The following LRIG3 variants were observed in gnomAD, a reference collection of about 807,000 sequenced individuals.
The protein encoded by LRIG3 is leucine rich repeats and immunoglobulin like domains 3.
A neutral mutation model predicts 114.5 loss-of-function variants in LRIG3; 76 were observed. The ratio of observed to expected loss-of-function variants is 0.66; its 90% CI spans 0.55 to 0.80. The LOEUF is 0.80. LRIG3 is among the 30% of genes least tolerant of loss of function. The pLI is 0.00. For missense variants in LRIG3, 1,239 were observed against 1,382.8 expected (o/e 0.90, Z 1.65); for synonymous variants, 512 against 519.8 (o/e 0.98, Z 0.20).
chr12:58,892,264 A>G (rs11172800), intron 3 of LRIG3, among the ~76,000 whole-genome samples: 5,776 of 152,286 alleles, frequency 0.038, 372 homozygotes, highest in African/African-American at 0.13. Flanking sequence ...ATACCTACAA[A>G]TCATAGAAAG....
intron 10 of LRIG3, among the ~76,000 whole-genome samples, chr12:58,883,934 A>G (rs1047679399): frequency 6.6e-6 from 1 of 152,244 alleles, no homozygotes; most frequent in Non-Finnish European, 1.5e-5. Flanking sequence ...TACAAATAAA[A>G]TATACAAATA....
intron 10 of LRIG3, among the ~76,000 whole-genome samples, chr12:58,884,507 C>T (rs780316971): frequency 2.6e-5 from 4 of 152,224 alleles, no homozygotes; most frequent in Non-Finnish European, 5.9e-5. Flanking sequence ...TCCACTAATT[C>T]CACGTTCCCA....
intron 1 of LRIG3, chr12:58,919,421 A>C: frequency 6.4e-7 from 1 of 1,551,642 alleles, no homozygotes; most frequent in Non-Finnish European, 8.7e-7. Context: ...AGGAGTGGGA[A>C]CTTACGGTCT....
chr12:58,919,114 T>C (rs1045364480), intron 1 of LRIG3, among the ~76,000 whole-genome samples: 1 of 152,248 alleles, frequency 6.6e-6, no homozygotes, highest in African/African-American at 2.4e-5. Context: ...TTTGATTGTT[T>C]ACTTTTTACA....
intron 10 of LRIG3, 94 bp from the exon 11 acceptor site, chr12:58,883,685 C>T (rs990996680): frequency 1.4e-6 from 1 of 730,888 alleles, no homozygotes; most frequent in African/African-American, 1.7e-5. Context: ...CCCCATTTGC[C>T]AAACAAATAC....
intron 4 of LRIG3, 75 bp downstream of exon 4, chr12:58,890,590 T>G: frequency 7.2e-7 from 1 of 1,394,170 alleles, no homozygotes; most frequent in Non-Finnish European, 9.6e-7. Flanking sequence ...GTAGACAAAG[T>G]TTGTTATATC....
intron 6 of LRIG3, 136 bp from the exon 7 acceptor site, chr12:58,888,608 C>CA (rs1317946413): frequency 1.3e-5 from 16 of 1,269,284 alleles, no homozygotes; most frequent in South Asian, 1.1e-4. Context: ...AAGACGTCAG[C>CA]AAAAAAATAC....
At chr12:58,890,270 G>A (rs990987581) in intron 4 of LRIG3, 131 bp from the exon 5 acceptor site, 8 of 965,484 alleles carry the variant, frequency 8.3e-6, no homozygotes, top group Non-Finnish European at 1.2e-5. Flanking sequence ...TACTTTTTAG[G>A]TCCTCAAGGA....
At position 58,914,028 on chromosome 12, in the gene LRIG3, T is replaced by C; in HGVS notation, c.337A>G (p.Ile113Val). ...VKLNNNELET[I>V]PNLGPVSANI... Reference sequence around the variant, plus strand: ...GCCGAGACTGGTCCCAGATTTGGAATGGTCTCCAATTCATTGTTGTTCAGT... The same window carrying C: ...GCCGAGACTGGTCCCAGATTTGGAACGGTCTCCAATTCATTGTTGTTCAGT... Residue 113 changes from isoleucine to valine, a missense_variant, in exon 3 of 19, where the codon ATT (isoleucine) becomes GTT (valine). Coordinates refer to ENST00000320743, the MANE Select transcript of LRIG3 (RefSeq NM_153377.5). 6.2e-7 allele frequency: 1 copy of C among 1,611,720 alleles called. No individual in the cohort carries two copies. Among genetic ancestry groups the C allele is most frequent in the Non-Finnish European group, 8.5e-7 (1 of 1,179,588 alleles).
chr12:58,891,276 G>A (rs117780749), intron 3 of LRIG3, among the ~76,000 whole-genome samples: 1 of 151,862 alleles, frequency 6.6e-6, no homozygotes, highest in East Asian at 1.9e-4. Context: ...ACCTCATCTC[G>A]CTAATTTTTT....
rs754954793 is a variant in LRIG3, at chr12:58,874,452, A to C, written c.2817T>G (p.Asp939Glu). 6.2e-7 allele frequency: 1 copy of C among 1,614,214 alleles called. No homozygotes were observed. Residue 939 changes from aspartate to glutamate, a missense_variant, in exon 17 of 19, where the codon GAT becomes GAG. Asp to Glu is a conservative substitution (Grantham distance 45, BLOSUM62 2). Coordinates refer to ENST00000320743, the MANE Select transcript of LRIG3 (RefSeq NM_153377.5). ...TACCTGTATGATATGTTTCAAAAGG[A>C]TCTGAGCCATACACATTTCCCTTCA... ...MYLKGNVYGS[D>E]PFETYHTGCS...
At chr12:58,917,750 A>G (rs1872533332) in intron 1 of LRIG3, among the ~76,000 whole-genome samples, 1 of 152,244 alleles carries the variant, frequency 6.6e-6, no homozygotes, top group South Asian at 2.1e-4. Flanking sequence ...AAGCCAGTCC[A>G]AAGACAAACT....
At position 58,877,811 on chromosome 12, in the gene LRIG3, T is replaced by C; in HGVS notation, c.2125A>G (p.Thr709Ala). ...TGTAGGACGGCTGTTTCTCCCTTGG[T>C]TACAGTTCGGTCCAACAGTGGCCGC... Reference protein sequence around the residue: ...FLRPLLDRTVTKGETAVLQCI... With the variant: ...FLRPLLDRTVAKGETAVLQCI... The change falls in exon 15 of 19, where the codon ACC becomes GCC. Residue 709 changes from threonine to alanine, a missense_variant. Thr to Ala is a moderately conservative substitution (Grantham distance 58, BLOSUM62 0). Coordinates refer to ENST00000320743, the MANE Select transcript of LRIG3 (RefSeq NM_153377.5). 2 of 1,613,752 alleles carry C rather than the reference T, an allele frequency of 1.2e-6. No individual in the cohort carries two copies. Among genetic ancestry groups the C allele is most frequent in the Non-Finnish European group, 1.7e-6 (2 of 1,179,636 alleles).
intron 6 of LRIG3, 146 bp from the exon 7 acceptor site, chr12:58,888,618 C>G (rs1871352144): frequency 7.9e-7 from 1 of 1,261,932 alleles, no homozygotes; most frequent in Admixed American, 2.7e-5. Flanking sequence ...CAAAAAAATA[C>G]TATATAGTTT....
rs772570222 is a variant in LRIG3, at chr12:58,874,489, C to A, written c.2780G>T (p.Gly927Val). Residue 927 changes from glycine (G) to valine (V), a missense_variant, in exon 17 of 19, where the codon GGC becomes GTC. By Grantham distance (109) the Gly-to-Val change is moderately radical (BLOSUM62 -3). Transcript: ENST00000320743. ...LFLCPFLGSTGPMYLKGNVYG... is the reference protein window; with the variant it reads ...LFLCPFLGSTVPMYLKGNVYG... ...CACATTTCCCTTCAAATACATAGGG[C>A]CTGTGGATCCCAAAAACGGACAAAG... 4 of 1,614,186 alleles carry A rather than the reference C, an allele frequency of 2.5e-6. No homozygotes were observed. In the Admixed American group the frequency reaches 5.0e-5, roughly 20 times the overall value.
chr12:58,909,866 T>C (rs1372073662), intron 3 of LRIG3, among the ~76,000 whole-genome samples: 1 of 152,232 alleles, frequency 6.6e-6, no homozygotes, highest in African/African-American at 2.4e-5. Context: ...TCAGCCATCA[T>C]GTGGTTTAAT....
intron 11 of LRIG3, 93 bp downstream of exon 11, chr12:58,883,427 C>A: frequency 1.2e-6 from 1 of 800,244 alleles, no homozygotes; most frequent in Non-Finnish European, 1.9e-6. Context: ...ATGTGCCAGG[C>A]ACTTTTTATA....
In LRIG3 at chr12:58,887,794, C is replaced by T; in HGVS notation, c.1086G>A (p.Lys362=). Residue 362 remains lysine (K), a synonymous_variant, in exon 8 of 19, where the codon AAG becomes AAA. Coordinates refer to ENST00000320743, the MANE Select transcript of LRIG3 (RefSeq NM_153377.5). ...DCAFRGLSSL[K]TLDLKNNEIS... ...CAGCAAAACGTGTAACTTACAAAGT[C>T]TTTAAACTGGAAAGCCCCCGGAAGG... is the stretch of plus-strand genomic sequence containing the variant. The T allele has an allele frequency of 6.2e-7, 1 of 1,613,408 alleles. No homozygotes were observed. The highest frequency in any genetic ancestry group is 8.5e-7 in the Non-Finnish European group (1 of 1,179,630).
Position 58,876,584 on chromosome 12 carries a change from T to C in LRIG3, c.2556A>G (p.Ala852=). The change falls in exon 16 of 19, where the codon GCA becomes GCG. Residue 852 remains alanine, a synonymous_variant. Transcript: ENST00000320743. The part of the protein sequence containing the change: ...ITNTDETNLP[A]DIPSYLSSQG... Reference sequence around the variant, plus strand: ...GAGATGACAAATAACTAGGAATATCTGCTGGCAAGTTGGTCTCATCTGTAA... The same window carrying C: ...GAGATGACAAATAACTAGGAATATCCGCTGGCAAGTTGGTCTCATCTGTAA... 1 of 1,614,204 alleles carries C rather than the reference T, an allele frequency of 6.2e-7. No individual in the cohort carries two copies. The highest frequency in any genetic ancestry group is 1.1e-5 in the South Asian group (1 of 91,092).
Sources: allele counts gnomAD v4.1 joint callset (sites outside exome capture counted in the v4.1 genomes callset), GRCh38; gene constraint gnomAD v4.1.1; transcripts MANE v1.5; gene names NCBI Gene and HGNC (gene_info 2026-07-23, HGNC 2026-07-21).